ZNF793: variants seen among roughly 807,000 people sequenced by gnomAD.
ZNF793 encodes the protein zinc finger protein 793.
ZNF793 carries 5 observed loss-of-function variants against 12.4 expected under a neutral mutation model. The ratio of observed to expected loss-of-function variants is 0.40; its 90% CI spans 0.21 to 0.84. ZNF793 has a LOEUF of 0.84. Among genes scored for constraint, ZNF793 ranks in the 40% least tolerant of loss-of-function variants. The pLI is 0.35. For missense variants in ZNF793, 456 were observed against 495.0 expected, an observed-to-expected ratio of 0.92 and a Z score of 0.75; for synonymous variants, 162 against 172.4, an observed-to-expected ratio of 0.94 and a Z score of 0.47.
chr19:37,533,235 C>A, intron 6 of ZNF793, 73 bp from the exon 7 acceptor site: 1 of 1,303,334 alleles, frequency 7.7e-7, no homozygotes, highest in Non-Finnish European at 1.1e-6. Flanking sequence ...ATTGTGCAGC[C>A]TTTAAAGCTG....
chr19:37,516,369 A>G (rs538254779), intron 2 of ZNF793, among the ~76,000 whole-genome samples: 15 of 152,272 alleles, frequency 9.9e-5, no homozygotes, highest in African/African-American at 3.6e-4. Context: ...TCCTGACCTC[A>G]GGTGATCTAC....
rs969935919 is a variant in ZNF793 at position 37,540,777 on chromosome 19, A to G, written c.*2898A>G. The G allele has an allele frequency of 6.6e-6, 1 of 152,074 alleles. No homozygotes were observed. The highest frequency in any genetic ancestry group is 2.4e-5 in the African/African-American group (1 of 41,434). 9.4% of individuals were successfully genotyped at this position (152,074 alleles called of 1,614,324 possible). Reference sequence around the variant, plus strand: ...ATTTTTTGAGTTAACTTTTCTAAGAAGACAGGGTACCAAAATCAAGAGCTG... The same window carrying G: ...ATTTTTTGAGTTAACTTTTCTAAGAGGACAGGGTACCAAAATCAAGAGCTG... On this transcript the variant is annotated 3_prime_UTR_variant, in exon 8 of 8. Coordinates refer to ENST00000627814, the MANE Select transcript of ZNF793 (RefSeq NM_001013659.3).
chr19:37,523,005 A>G (rs2042387081), intron 4 of ZNF793, among the ~76,000 whole-genome samples: 1 of 152,062 alleles, frequency 6.6e-6, no homozygotes, highest in Non-Finnish European at 1.5e-5. Flanking sequence ...GATAAAGGGT[A>G]TTTATTTGTT....
At chr19:37,525,340 G>A (rs1403367667) in intron 5 of ZNF793, among the ~76,000 whole-genome samples, 4 of 151,434 alleles carry the variant, frequency 2.6e-5, no homozygotes, top group South Asian at 2.1e-4. Context: ...GGGTTTCACC[G>A]TGTTAGCCAG....
chr19:37,510,793 T>G (rs2042288610), intron 2 of ZNF793, among the ~76,000 whole-genome samples: 1 of 151,342 alleles, frequency 6.6e-6, no homozygotes, highest in South Asian at 2.1e-4. Context: ...GCCTCCCAGG[T>G]TCACACCAGT....
chr19:37,540,766 C>A lies in ZNF793; in HGVS notation c.*2887C>A, dbSNP rs114899421. ...ATGAAAAGACTATTTTTTGAGTTAA[C>A]TTTTCTAAGAAGACAGGGTACCAAA... On this transcript the variant is annotated 3_prime_UTR_variant, in exon 8 of 8. Coordinates refer to ENST00000627814, the MANE Select transcript of ZNF793 (RefSeq NM_001013659.3). The A allele has an allele frequency of 7.2e-3, 1,094 of 151,850 alleles. 16 individuals are homozygous for A. The highest frequency in any genetic ancestry group is 0.025 in the African/African-American group (1,019 of 41,464). 9.4% of individuals were successfully genotyped at this position (151,850 alleles called of 1,614,324 possible).
rs532532489 is a variant in ZNF793 at position 37,518,692 on chromosome 19, G to A, written c.-275-1492G>A. 5.3e-5 allele frequency among the ~76,000 whole-genome samples: 8 copies of A among 151,736 alleles called. No homozygotes were observed. The South Asian group carries it at 6.3e-4, about 12-fold the overall frequency. On this transcript the variant is annotated intron_variant, in intron 2 of 7. Transcript: ENST00000627814. The stretch of plus-strand genomic sequence containing the variant: ...GTGCACATCTATAGTCCTCCTACTC[G>A]GGAGGCTGAGGTGGGAGGATCACCT...
rs1174849562 is a variant in ZNF793, at chr19:37,537,891, G to C, written c.*12G>C. On this transcript the variant is annotated 3_prime_UTR_variant, in exon 8 of 8. Transcript: ENST00000627814. ...TGGGAAATACTTGAGCAAAATATCT[G>C]GTTTCATGGTATGTAGGGAATTTTT... The C allele has an allele frequency of 2.0e-6, 3 of 1,538,428 alleles. No individual in the cohort carries two copies.
chr19:37,523,975 G>T (rs1308512602), intron 5 of ZNF793, among the ~76,000 whole-genome samples: 1 of 151,776 alleles, frequency 6.6e-6, no homozygotes, highest in Non-Finnish European at 1.5e-5. Context: ...CATGGTGAAA[G>T]CCTGCCTCTA....
In ZNF793 at chr19:37,542,059, T is replaced by C. The variant is rs2042555403; in HGVS notation, c.*4180T>C. 6.5e-6 allele frequency: 1 copy of C among 153,466 alleles called. No homozygotes were observed. The highest frequency in any genetic ancestry group is 6.4e-5 in the Admixed American group (1 of 15,594). 9.5% of individuals were successfully genotyped at this position (153,466 alleles called of 1,614,324 possible). A position where few individuals can be genotyped will look rare whatever the true frequency, so the allele number is the denominator to read the frequency against. On this transcript the variant is annotated 3_prime_UTR_variant, in exon 8 of 8. Coordinates refer to ENST00000627814, the MANE Select transcript of ZNF793 (RefSeq NM_001013659.3). ...TACACACTGCTGGTGGAGAAATAAA[T>C]TTTGAAAAACAATGCAAATTACTGT...
At chr19:37,528,609 G>C (rs1055107708) in intron 5 of ZNF793, among the ~76,000 whole-genome samples, 4 of 152,068 alleles carry the variant, frequency 2.6e-5, no homozygotes, top group African/African-American at 9.7e-5. Flanking sequence ...TTAAAGACAG[G>C]ATCACCAGGA....
chr19:37,515,452 T>C (rs971242809), intron 2 of ZNF793, among the ~76,000 whole-genome samples: 30 of 151,898 alleles, frequency 2.0e-4, no homozygotes, highest in Admixed American at 8.5e-4. Flanking sequence ...GGACCACAGG[T>C]GCCCGCCACC....
intron 5 of ZNF793, among the ~76,000 whole-genome samples, chr19:37,525,299 C>T (rs1398069032): frequency 5.9e-5 from 9 of 151,772 alleles, no homozygotes; most frequent in Admixed American, 6.6e-5. Flanking sequence ...CCACCATGCC[C>T]GGCTAATTTT....
intron 5 of ZNF793, among the ~76,000 whole-genome samples, chr19:37,523,704 C>A (rs2042391921): frequency 6.6e-6 from 1 of 152,116 alleles, no homozygotes; most frequent in South Asian, 2.1e-4. Context: ...ATCTTATCCT[C>A]TGGAGCTGGG....
chr19:37,514,724 A>G (rs1333224231), intron 2 of ZNF793, among the ~76,000 whole-genome samples: 3 of 152,228 alleles, frequency 2.0e-5, no homozygotes, highest in Non-Finnish European at 4.4e-5. Context: ...GGCATTTCAA[A>G]AGAAAACCAT....
At chr19:37,531,913 C>T (rs954319308) in intron 5 of ZNF793, among the ~76,000 whole-genome samples, 1 of 152,118 alleles carries the variant, frequency 6.6e-6, no homozygotes, top group Non-Finnish European at 1.5e-5. Context: ...TCTTTTTCCC[C>T]ACCATATATA....
At chr19:37,510,515 CAA>C (rs1158855173) in intron 2 of ZNF793, among the ~76,000 whole-genome samples, 16 of 70,786 alleles carry the variant, frequency 2.3e-4, no homozygotes, top group Admixed American at 4.7e-4. Flanking sequence ...AACTCCATCT[CAA>C]AAAAAAAAAA....
chr19:37,532,440 C>A lies in ZNF793; in HGVS notation c.100C>A (p.Arg34=), dbSNP rs763972983. 1.9e-6 allele frequency: 3 copies of A among 1,613,030 alleles called. No homozygotes were observed. The highest frequency in any genetic ancestry group is 2.5e-6 in the Non-Finnish European group (3 of 1,179,620). The change falls in exon 6 of 8, where the codon CGG becomes AGG. Residue 34 remains arginine (R), a synonymous_variant. Transcript: ENST00000627814. Reference sequence around the variant, plus strand: ...GAGTCCTGCTCAGAGGGCCCTGTACCGGGATGTGATGCTGGAAACCTATAG... The same window carrying A: ...GAGTCCTGCTCAGAGGGCCCTGTACAGGGATGTGATGCTGGAAACCTATAG... The part of the protein sequence containing the change: ...RLSPAQRALY[R]DVMLETYSNL...
Position 37,538,198 on chromosome 19 carries a change from A to G in ZNF793, c.*319A>G, listed in dbSNP as rs1444546010. ...CCAAAGTGCTGGGATTACAGGCGTG[A>G]GCCACCGCGCCTGGCCGGTATGTAG... On this transcript the variant is annotated 3_prime_UTR_variant, in exon 8 of 8. Coordinates refer to ENST00000627814, the MANE Select transcript of ZNF793 (RefSeq NM_001013659.3). The G allele has an allele frequency of 2.1e-5, 5 of 233,346 alleles. No individual in the cohort carries two copies. In the East Asian group the frequency reaches 4.6e-4, roughly 22 times the overall value. The allele number at this position is 233,346 out of a possible 1,614,324, so 14.5% of individuals were successfully genotyped here.
Sources: allele counts gnomAD v4.1 joint callset (sites outside exome capture counted in the v4.1 genomes callset), GRCh38; gene constraint gnomAD v4.1.1; transcripts MANE v1.5; gene names NCBI Gene and HGNC (gene_info 2026-07-23, HGNC 2026-07-21).